The following GCC2 variants were observed in gnomAD, a reference collection of about 807,000 sequenced individuals.
GCC2 encodes GRIP and coiled-coil domain-containing protein 2.
A neutral mutation model predicts 210.6 loss-of-function variants in GCC2; 120 were observed. That is an observed-to-expected ratio of 0.57 (90% confidence interval 0.49 to 0.66). The LOEUF is 0.66. Among genes scored for constraint, GCC2 ranks in the 30% least tolerant of loss-of-function variants. The pLI is 0.00. For missense variants in GCC2, 1,868 were observed against 1,871.9 expected (o/e 1.00, Z 0.04); for synonymous variants, 703 against 652.7 (o/e 1.08, Z -1.17).
intron 6 of GCC2, among the ~76,000 whole-genome samples, chr2:108,472,499 A>G (rs1681290510): frequency 6.6e-6 from 1 of 152,148 alleles, no homozygotes; most frequent in Admixed American, 6.5e-5. Flanking sequence ...TGGTATTGCT[A>G]AAATTTTAGG....
At chr2:108,479,035 A>C (rs1268712188) in intron 9 of GCC2, among the ~76,000 whole-genome samples, 1 of 151,946 alleles carries the variant, frequency 6.6e-6, no homozygotes, top group African/African-American at 2.4e-5. Flanking sequence ...CTACTAAAAA[A>C]TACAAAAAAA....
At chr2:108,498,490 G>A (rs1682760674) in intron 21 of GCC2, among the ~76,000 whole-genome samples, 1 of 151,858 alleles carries the variant, frequency 6.6e-6, no homozygotes, top group Non-Finnish European at 1.5e-5. Flanking sequence ...CACCACGCCT[G>A]GCCAAATGTT....
chr2:108,470,264 A>G lies in GCC2; in HGVS notation c.935A>G (p.Asp312Gly), dbSNP rs1681122550. 4.3e-6 allele frequency: 7 copies of G among 1,613,572 alleles called. No individual in the cohort carries two copies. Among genetic ancestry groups the G allele is most frequent in the Non-Finnish European group, 5.9e-6 (7 of 1,179,826 alleles). Reference sequence around the variant, plus strand: ...AAAGCCACCTCAAATGCAAACCAAGACAATCAGATATGTTCTATTCTCTTG... The same window carrying G: ...AAAGCCACCTCAAATGCAAACCAAGGCAATCAGATATGTTCTATTCTCTTG... ...LRKATSNANQ[D>G]NQICSILLQE... is the part of the protein sequence containing the mutation. The change falls in exon 6 of 23, where the codon GAC (aspartate) becomes GGC (glycine). Residue 312 changes from aspartate (D) to glycine (G), a missense_variant. Physicochemically the swap from Asp to Gly is moderately conservative, Grantham distance 94 (BLOSUM62 -1). Transcript: ENST00000309863.
At chr2:108,464,129 T>C (rs1680744805) in intron 4 of GCC2, among the ~76,000 whole-genome samples, 1 of 152,104 alleles carries the variant, frequency 6.6e-6, no homozygotes, top group Admixed American at 6.5e-5. Context: ...CAGCAGAATG[T>C]TCAGGTGGAG....
At chr2:108,469,557 C>A (rs1166075637) in intron 5 of GCC2, 94 bp from the exon 6 acceptor site, 1 of 796,986 alleles carries the variant, frequency 1.3e-6, no homozygotes, top group Non-Finnish European at 2.0e-6. Flanking sequence ...ATTTACTTTT[C>A]TCTCTACTTA....
At chr2:108,449,507 C>A in intron 1 of GCC2, 126 bp from the exon 2 acceptor site, 1 of 1,227,640 alleles carries the variant, frequency 8.1e-7, no homozygotes, top group Non-Finnish European at 1.2e-6. Flanking sequence ...CGCCCTCATT[C>A]TCTGTCTCAC....
intron 9 of GCC2, among the ~76,000 whole-genome samples, chr2:108,480,186 C>T (rs1235808196): frequency 1.3e-5 from 2 of 152,024 alleles, no homozygotes; most frequent in Non-Finnish European, 2.9e-5. Flanking sequence ...AAACAGTGTG[C>T]TAGCAATAAA....
rs749486775 is a variant in GCC2 at position 108,495,400 on chromosome 2, G to A, written c.4557G>A (p.Glu1519=). 37 of 1,584,394 alleles carry A rather than the reference G, an allele frequency of 2.3e-5. No homozygotes were observed. Among genetic ancestry groups the A allele is most frequent in the Non-Finnish European group, 3.1e-5 (36 of 1,169,046 alleles). ...CCCGGGAAGAGGGAGAAGGCATGGA[G>A]ACAACTGATACGGAGTCTGTGTCTT... ...TVTREEGEGM[E]TTDTESVSSA... The change falls in exon 20 of 23, where the codon GAG becomes GAA. Residue 1519 remains glutamate (E), a synonymous_variant. Coordinates refer to ENST00000309863, the MANE Select transcript of GCC2 (RefSeq NM_181453.4).
intron 19 of GCC2, chr2:108,493,582 T>G (rs1383346079): frequency 6.1e-6 from 6 of 985,446 alleles, no homozygotes; most frequent in East Asian, 2.3e-4. Flanking sequence ...AGTTGGAGTT[T>G]TAGTTCAGCC....
chr2:108,477,538 C>A (rs1269633876), intron 9 of GCC2, among the ~76,000 whole-genome samples: 1 of 152,118 alleles, frequency 6.6e-6, no homozygotes, highest in Non-Finnish European at 1.5e-5. Flanking sequence ...TATTGTTTCA[C>A]CAACTAAGCT....
intron 4 of GCC2, among the ~76,000 whole-genome samples, chr2:108,465,428 T>G (rs1680828385): frequency 6.6e-6 from 1 of 152,196 alleles, no homozygotes; most frequent in Admixed American, 6.5e-5. Flanking sequence ...TGGTGAAGTC[T>G]GAGACTTTAG....
intron 4 of GCC2, among the ~76,000 whole-genome samples, chr2:108,452,731 G>C (rs1208356954): frequency 1.7e-5 from 2 of 115,164 alleles, no homozygotes; most frequent in African/African-American, 7.0e-5. Context: ...GTCTCACTCT[G>C]TCACCAGGCT....
rs1478498128 is a variant in GCC2 at position 108,469,717 on chromosome 2, G to T, written c.388G>T (p.Glu130Ter). 2 of 1,612,658 alleles carry T rather than the reference G, an allele frequency of 1.2e-6. No homozygotes were observed. The highest frequency in any genetic ancestry group is 1.3e-5 in the African/African-American group (1 of 74,880). Residue 130 changes from glutamate (E) to a stop codon, truncating the protein, a stop_gained, in exon 6 of 23, where the codon GAA becomes TAA. Transcript: ENST00000309863. LOFTEE classifies it high-confidence loss of function. The part of the protein sequence containing the change: ...LEQSHINYVK[E>*]IENLKNELMA... Reference sequence around the variant, plus strand: ...ACAATCACATATAAACTATGTGAAAGAAATTGAAAATTTGAAAAATGAGTT... The same window carrying T: ...ACAATCACATATAAACTATGTGAAATAAATTGAAAATTTGAAAAATGAGTT...
intron 12 of GCC2, 79 bp downstream of exon 12, chr2:108,483,245 C>T: frequency 4.0e-6 from 3 of 754,566 alleles, no homozygotes; most frequent in Non-Finnish European, 6.7e-6. Flanking sequence ...TCTGTTCTCT[C>T]TGCAATCTCA....
chr2:108,490,283 A>C (rs1260263259), intron 18 of GCC2: 3 of 295,210 alleles, frequency 1.0e-5, no homozygotes, highest in Non-Finnish European at 1.9e-5. Context: ...TTCTCTAAAA[A>C]AACAAACAAA....
rs1230076424 is a variant in GCC2, at chr2:108,471,520, CT to C, written c.2193del (p.Gln732SerfsTer2). 1 of 1,604,312 alleles carries C rather than the reference CT, an allele frequency of 6.2e-7. No individual in the cohort carries two copies. Among genetic ancestry groups the C allele is most frequent in the African/African-American group, 1.3e-5 (1 of 74,204 alleles). On this transcript the variant is annotated frameshift_variant, in exon 6 of 23. Transcript: ENST00000309863. LOFTEE classifies it high-confidence loss of function. ...KEHITQLEKK[L>X]QLMVEEQDNL... ...ACATATTACTCAATTAGAAAAGAAA[CT>C]TCAGTTAATGGTTGAAGAGCAAGAT... is the stretch of plus-strand genomic sequence containing the variant.
In GCC2 at chr2:108,469,968, G is replaced by T; in HGVS notation, c.639G>T (p.Lys213Asn). Residue 213 changes from lysine (K) to asparagine (N), a missense_variant, in exon 6 of 23, where the codon AAG becomes AAT. This residue lies in a region of GCC2 where 1,847 missense variants were observed against 1,765.2 expected (regional missense o/e 1.05). Coordinates refer to ENST00000309863, the MANE Select transcript of GCC2 (RefSeq NM_181453.4). ...KQLDATTDEK[K>N]ETVTQLQNII... is the part of the protein sequence containing the mutation. ...TAGACGCTACCACTGATGAAAAGAAGGAAACAGTTACTCAACTCCAAAATA... is the reference window on the plus strand; with the variant it reads ...TAGACGCTACCACTGATGAAAAGAATGAAACAGTTACTCAACTCCAAAATA... 1 of 1,613,230 alleles carries T rather than the reference G, an allele frequency of 6.2e-7. No homozygotes were observed. Among genetic ancestry groups the T allele is most frequent in the Non-Finnish European group, 8.5e-7 (1 of 1,179,510 alleles).
At position 108,469,721 on chromosome 2, in the gene GCC2, T is replaced by C. The variant is rs868566268; in HGVS notation, c.392T>C (p.Ile131Thr). ...TCACATATAAACTATGTGAAAGAAA[T>C]TGAAAATTTGAAAAATGAGTTGATG... The part of the protein sequence containing the change: ...EQSHINYVKE[I>T]ENLKNELMAV... Residue 131 changes from isoleucine to threonine, a missense_variant, in exon 6 of 23, where the codon ATT becomes ACT. This residue lies in a region of GCC2 where 1,847 missense variants were observed against 1,765.2 expected (regional missense o/e 1.05). Transcript: ENST00000309863. The C allele has an allele frequency of 6.8e-6, 11 of 1,612,394 alleles. No individual in the cohort carries two copies. Among genetic ancestry groups the C allele is most frequent in the African/African-American group, 1.3e-5 (1 of 74,986 alleles).
chr2:108,466,663 G>T (rs1454953327), intron 4 of GCC2, among the ~76,000 whole-genome samples: 1 of 150,270 alleles, frequency 6.7e-6, no homozygotes, highest in Admixed American at 6.6e-5. Context: ...TAGTAGAGAT[G>T]GGGTTTCACT....
Sources: allele counts gnomAD v4.1 joint callset (sites outside exome capture counted in the v4.1 genomes callset), GRCh38; gene constraint gnomAD v4.1.1; regional missense constraint gnomAD v4.1.1; transcripts MANE v1.5; gene names NCBI Gene and HGNC (gene_info 2026-07-23, HGNC 2026-07-21).